SLC26A5: variants seen among roughly 807,000 people sequenced by gnomAD.
The protein encoded by SLC26A5 is prestin.
Under a neutral mutation model 81.0 loss-of-function variants are expected in SLC26A5, and 51 were observed. The ratio of observed to expected loss-of-function variants is 0.63; its 90% CI spans 0.50 to 0.80. SLC26A5 has a LOEUF of 0.80. SLC26A5 is among the 30% of genes least tolerant of loss of function. The pLI is 0.00. For missense variants in SLC26A5, 771 were observed against 905.8 expected, an observed-to-expected ratio of 0.85 and a Z score of 1.91; for synonymous variants, 325 against 332.8, an observed-to-expected ratio of 0.98 and a Z score of 0.25.
intron 4 of SLC26A5, among the ~76,000 whole-genome samples, chr7:103,420,022 C>T (rs892234266): frequency 3.9e-5 from 6 of 152,098 alleles, no homozygotes; most frequent in African/African-American, 1.4e-4. Context: ...GTTTAGAATA[C>T]ATGAATAAAT....
At position 103,377,789 on chromosome 7, in the gene SLC26A5, A is replaced by G. The variant is rs776152487; in HGVS notation, c.1796T>C (p.Val599Ala). 6.2e-7 allele frequency: 1 copy of G among 1,613,766 alleles called. No homozygotes were observed. The highest frequency in any genetic ancestry group is 8.5e-7 in the Non-Finnish European group (1 of 1,179,966). ...NATVVKADAE[V>A]DGEDATKPEE... ...AGGCTTGGTAGCATCCTCTCCATCT[A>G]CTTCTGCATCCTGTGTCAAAAATTA... Residue 599 changes from valine (V) to alanine (A), a missense_variant, in exon 18 of 20, where the codon GTA becomes GCA. Transcript: ENST00000306312.
Position 103,374,218 on chromosome 7 carries a change from A to T in SLC26A5, c.*181T>A. ...AGGCAACAGGCCAATTTATCTTTGA[A>T]GTATTCAATTAAAAAAACACAAGTA... On this transcript the variant is annotated 3_prime_UTR_variant, in exon 20 of 20. Transcript: ENST00000306312. 7.1e-7 allele frequency: 1 copy of T among 1,404,558 alleles called. No homozygotes were observed. Among genetic ancestry groups the T allele is most frequent in the Non-Finnish European group, 9.2e-7 (1 of 1,083,964 alleles). The allele number at this position is 1,404,558 out of a possible 1,614,324, so 87.0% of individuals were successfully genotyped here.
At chr7:103,417,230 C>T (rs548156218) in intron 4 of SLC26A5, among the ~76,000 whole-genome samples, 11 of 151,726 alleles carry the variant, frequency 7.2e-5, no homozygotes, top group Admixed American at 2.0e-4. Flanking sequence ...ATTAGCTGGG[C>T]GTGGTGGCAC....
intron 4 of SLC26A5, among the ~76,000 whole-genome samples, chr7:103,418,423 C>T (rs983234257): frequency 7.9e-5 from 12 of 152,244 alleles, no homozygotes; most frequent in South Asian, 6.2e-4. Flanking sequence ...CCTGCAGCTC[C>T]GTCAGTCCAG....
In SLC26A5 at chr7:103,407,986, C is replaced by T. The variant is rs779840275; in HGVS notation, c.753G>A (p.Leu251=). The T allele has an allele frequency of 3.7e-6, 6 of 1,614,020 alleles. No individual in the cohort carries two copies. In the Admixed American group the frequency reaches 1.0e-4, roughly 27 times the overall value. The change falls in exon 8 of 20, where the codon TTG becomes TTA. Residue 251 remains leucine, a synonymous_variant. Coordinates refer to ENST00000306312, the MANE Select transcript of SLC26A5 (RefSeq NM_198999.3). ...ACACGTTGAGGTTTTTAACATTCTG[C>T]AACACAGCAACTGTACTCTGTAACA... is the stretch of plus-strand genomic sequence containing the variant. ...FSVVYSTVAV[L]QNVKNLNVCS...
At chr7:103,366,246 G>A (rs1310156877) in intron 19 of SLC26A5, 3 of 1,267,250 alleles carry the variant, frequency 2.4e-6, no homozygotes, top group Non-Finnish European at 3.4e-6. Context: ...TGTTAATCTT[G>A]TACAGAATTT....
downstream of SLC26A5, among the ~76,000 whole-genome samples, chr7:103,369,963 G>A (rs972042379): frequency 7.2e-5 from 11 of 152,170 alleles, no homozygotes; most frequent in African/African-American, 1.4e-4. Context: ...GCCAGGTGGA[G>A]TTTTAAGATG....
intron 7 of SLC26A5, 95 bp downstream of exon 7, chr7:103,410,290 G>A: frequency 8.8e-7 from 1 of 1,130,290 alleles, no homozygotes; most frequent in Non-Finnish European, 1.3e-6. Flanking sequence ...TGGAGAAAAA[G>A]AAAAATGAGT....
At chr7:103,422,536 T>C (rs1364476859) in intron 2 of SLC26A5, among the ~76,000 whole-genome samples, 1 of 152,048 alleles carries the variant, frequency 6.6e-6, no homozygotes, top group Non-Finnish European at 1.5e-5. Context: ...AAACCACTCA[T>C]GACAACAATA....
chr7:103,364,153 T>C, intron 19 of SLC26A5: 1 of 1,613,984 alleles, frequency 6.2e-7, no homozygotes, highest in Non-Finnish European at 8.5e-7. Context: ...CCAGAGAGGT[T>C]TGTGAACCTT....
chr7:103,406,251 A>G (rs1388922970), intron 8 of SLC26A5, among the ~76,000 whole-genome samples: 1 of 152,118 alleles, frequency 6.6e-6, no homozygotes, highest in Non-Finnish European at 1.5e-5. Context: ...CAGCTAGCTC[A>G]GTGTCTGCCC....
At chr7:103,410,035 T>C (rs901149013) in intron 7 of SLC26A5, among the ~76,000 whole-genome samples, 1 of 152,172 alleles carries the variant, frequency 6.6e-6, no homozygotes, top group African/African-American at 2.4e-5. Context: ...GAGAGAAATG[T>C]TCTACCTTCA....
chr7:103,367,559 C>T lies in SLC26A5; in HGVS notation c.2041+9249G>A. On this transcript the variant is annotated intron_variant, in intron 19 of 19. Coordinates refer to the SLC26A5 transcript ENST00000339444. This position sits in a 1 kb window ranked among gnomAD's most constrained non-coding sequence, Gnocchi z 6.1. ...CAGACCTGATACTTTGGATCCAGCA[C>T]TGATGAGGCCAGGGAGATTGGATAG... 1.9e-6 allele frequency: 3 copies of T among 1,614,124 alleles called. No individual in the cohort carries two copies. Among genetic ancestry groups the T allele is most frequent in the Non-Finnish European group, 1.7e-6 (2 of 1,180,034 alleles).
chr7:103,357,127 A>G (rs978973777), intron 19 of SLC26A5, among the ~76,000 whole-genome samples: 1 of 152,048 alleles, frequency 6.6e-6, no homozygotes, highest in African/African-American at 2.4e-5. Flanking sequence ...GGAGTTCAAG[A>G]CCAGCCTGGT....
intron 2 of SLC26A5, among the ~76,000 whole-genome samples, chr7:103,426,927 A>C (rs1475986133): frequency 6.6e-6 from 1 of 152,216 alleles, no homozygotes; most frequent in African/African-American, 2.4e-5. Context: ...ACTTACTAAG[A>C]TCACCTAAAG....
In SLC26A5 at chr7:103,367,971, A is replaced by G. The variant is rs1820806201; in HGVS notation, c.2041+8837T>C. 2 of 1,613,988 alleles carry G rather than the reference A, an allele frequency of 1.2e-6. No homozygotes were observed. On this transcript the variant is annotated intron_variant, in intron 19 of 19. Coordinates refer to the SLC26A5 transcript ENST00000339444. This position sits in a 1 kb window ranked among gnomAD's most constrained non-coding sequence, Gnocchi z 6.1. Reference sequence around the variant, plus strand: ...AGCACGGCGAAAAATTGCTACCGAGAAGGATTTCTTGGAAGCTGTAAATAA... The same window carrying G: ...AGCACGGCGAAAAATTGCTACCGAGGAGGATTTCTTGGAAGCTGTAAATAA...
At chr7:103,361,888 A>G in intron 19 of SLC26A5, 1 of 1,460,904 alleles carries the variant, frequency 6.8e-7, no homozygotes, top group South Asian at 1.3e-5. Context: ...TCAGGATATA[A>G]TCTAGTTAGT....
chr7:103,431,085 G>T (rs1408972086), intron 2 of SLC26A5, among the ~76,000 whole-genome samples: 1 of 152,162 alleles, frequency 6.6e-6, no homozygotes, highest in Non-Finnish European at 1.5e-5. Flanking sequence ...GAGGTAAAAA[G>T]CTCAGTAATT....
At chr7:103,372,806 G>T (rs919963527), downstream of SLC26A5, among the ~76,000 whole-genome samples, 4 of 141,806 alleles carry the variant, frequency 2.8e-5, no homozygotes, top group African/African-American at 5.2e-5. Context: ...GCATCGAAAA[G>T]AACATAATGG....
Sources: allele counts gnomAD v4.1 joint callset (sites outside exome capture counted in the v4.1 genomes callset), GRCh38; gene constraint gnomAD v4.1.1; non-coding constraint Gnocchi (gnomAD v3.1); transcripts MANE v1.5; gene names NCBI Gene and HGNC (gene_info 2026-07-23, HGNC 2026-07-21).